GABPB2: variants seen among roughly 807,000 people sequenced by gnomAD.
The protein encoded by GABPB2 is GA-binding protein subunit beta-2.
GABPB2 carries 23 observed loss-of-function variants against 39.1 expected under a neutral mutation model. The ratio of observed to expected loss-of-function variants is 0.59; its 90% confidence interval spans 0.42 to 0.83. The LOEUF (loss-of-function observed/expected upper bound fraction) is 0.83, where lower values mean the gene tolerates loss of function less well. GABPB2 is among the 40% of genes least tolerant of loss of function. GABPB2 has a pLI of 0.00. For missense variants in GABPB2, 467 were observed against 541.1 expected, an observed-to-expected ratio of 0.86 and a Z score of 1.36; for synonymous variants, 184 against 199.3, an observed-to-expected ratio of 0.92 and a Z score of 0.65.
intron 1 of GABPB2, among the ~76,000 whole-genome samples, chr1:151,074,196 C>T (rs1165071902): frequency 6.6e-6 from 1 of 151,464 alleles, no homozygotes; most frequent in Admixed American, 6.6e-5. Flanking sequence ...AAGATGGTCT[C>T]GATCTCCTGA....
At chr1:151,112,966 A>G (rs1167212125) in intron 7 of GABPB2, among the ~76,000 whole-genome samples, 1 of 149,958 alleles carries the variant, frequency 6.7e-6, no homozygotes, top group Non-Finnish European at 1.5e-5. Flanking sequence ...TTTAGTAGAG[A>G]CAGGGTTTCA....
intron 1 of GABPB2, among the ~76,000 whole-genome samples, chr1:151,079,725 T>C (rs1677492372): frequency 6.7e-6 from 1 of 150,278 alleles, no homozygotes; most frequent in Admixed American, 6.7e-5. Flanking sequence ...GGTGAAACCC[T>C]GTCTGTACTA....
rs956859183 is a variant in GABPB2, at chr1:151,125,541, G to A, written c.*7285G>A. ...TGTTTCTCAATAAAATGTCAAAGCC[G>A]ACCATTTCAGGGTGTCATTGAATTT... On this transcript the variant is annotated 3_prime_UTR_variant, in exon 9 of 9. Coordinates refer to ENST00000368918, the MANE Select transcript of GABPB2 (RefSeq NM_144618.3). 6 of 151,256 alleles carry A rather than the reference G, an allele frequency of 4.0e-5. No individual in the cohort carries two copies. The East Asian group carries it at 9.7e-4, about 24-fold the overall frequency. 9.4% of individuals were successfully genotyped at this position (151,256 alleles called of 1,614,324 possible).
At chr1:151,073,399 T>C (rs1323790473) in intron 1 of GABPB2, among the ~76,000 whole-genome samples, 1 of 152,084 alleles carries the variant, frequency 6.6e-6, no homozygotes, top group East Asian at 1.9e-4. Context: ...GGAGAACATG[T>C]TAGTTGTCTG....
intron 2 of GABPB2, among the ~76,000 whole-genome samples, chr1:151,089,217 T>G (rs1032520846): frequency 6.6e-6 from 1 of 152,246 alleles, no homozygotes; most frequent in African/African-American, 2.4e-5. Flanking sequence ...ACTGATTAAT[T>G]GAGAGGCCAA....
chr1:151,112,147 C>G (rs1680485280), intron 7 of GABPB2: 1 of 118,474 alleles, frequency 8.4e-6, no homozygotes, highest in Non-Finnish European at 1.6e-5. Flanking sequence ...TGGCATGAAC[C>G]CGGGAGGTGG....
At position 151,119,629 on chromosome 1, in the gene GABPB2, T is replaced by C. The variant is rs942679076; in HGVS notation, c.*1373T>C. On this transcript the variant is annotated 3_prime_UTR_variant, in exon 9 of 9. Coordinates refer to ENST00000368918, the MANE Select transcript of GABPB2 (RefSeq NM_144618.3). ...GGCACACGCCTGTAGTCCCAGTTAC[T>C]TGGGAGGCTGAGGCAGGAGAATTGC... 3 of 152,490 alleles carry C rather than the reference T, an allele frequency of 2.0e-5. No individual in the cohort carries two copies. Among genetic ancestry groups the C allele is most frequent in the African/African-American group, 7.2e-5 (3 of 41,440 alleles). 9.4% of individuals were successfully genotyped at this position (152,490 alleles called of 1,614,324 possible). A position where few individuals can be genotyped will look rare whatever the true frequency, so the allele number is the denominator to read the frequency against.
chr1:151,086,925 G>A (rs1678253712), intron 1 of GABPB2, among the ~76,000 whole-genome samples: 2 of 152,178 alleles, frequency 1.3e-5, no homozygotes, highest in African/African-American at 4.8e-5. Flanking sequence ...TGCGATCTCA[G>A]CTCATTGCAA....
chr1:151,097,681 A>G (rs1363250403), intron 4 of GABPB2, among the ~76,000 whole-genome samples, 171 bp from the exon 5 acceptor site: 1 of 151,844 alleles, frequency 6.6e-6, no homozygotes, highest in East Asian at 1.9e-4. Context: ...CGGGAGGGTG[A>G]GTCATGAGAA....
intron 1 of GABPB2, among the ~76,000 whole-genome samples, chr1:151,075,454 C>T (rs1207135924): frequency 6.6e-6 from 1 of 150,810 alleles, no homozygotes; most frequent in Non-Finnish European, 1.5e-5. Flanking sequence ...GTCCCAGCTA[C>T]TCGGGAGGCC....
chr1:151,105,197 C>T (rs962313430), intron 6 of GABPB2, among the ~76,000 whole-genome samples: 3 of 151,614 alleles, frequency 2.0e-5, no homozygotes, highest in Non-Finnish European at 2.9e-5. Context: ...TGAGCCACCG[C>T]GCCTGGCCCT....
chr1:151,085,866 C>T (rs986054169), intron 1 of GABPB2, among the ~76,000 whole-genome samples: 1 of 152,092 alleles, frequency 6.6e-6, no homozygotes, highest in Non-Finnish European at 1.5e-5. Flanking sequence ...GTGGCTCATG[C>T]CTGTAATCCC....
intron 3 of GABPB2, among the ~76,000 whole-genome samples, chr1:151,092,399 C>T (rs1392416265): frequency 6.7e-6 from 1 of 148,780 alleles, no homozygotes; most frequent in Admixed American, 6.6e-5. Context: ...GCCACCGCAC[C>T]CAGCCATTTT....
intron 1 of GABPB2, among the ~76,000 whole-genome samples, chr1:151,076,473 A>G (rs587609191): frequency 6.6e-6 from 1 of 152,298 alleles, no homozygotes; most frequent in East Asian, 1.9e-4. Context: ...TCAGTCACCT[A>G]GGCTGGAGTG....
Position 151,090,390 on chromosome 1 carries a change from C to T in GABPB2, c.109-16C>T. 6.2e-7 allele frequency: 1 copy of T among 1,611,994 alleles called. No individual in the cohort carries two copies. Among genetic ancestry groups the T allele is most frequent in the Non-Finnish European group, 8.5e-7 (1 of 1,178,470 alleles). On this transcript the variant is annotated splice_polypyrimidine_tract_variant and intron_variant, in intron 2 of 8. Coordinates refer to ENST00000368918, the MANE Select transcript of GABPB2 (RefSeq NM_144618.3). Reference sequence around the variant, plus strand: ...CTGCACACAGTGGATATTCAATGAGCATTATTTTTCCACAGCTTGGAACAT... The same window carrying T: ...CTGCACACAGTGGATATTCAATGAGTATTATTTTTCCACAGCTTGGAACAT...
intron 3 of GABPB2, among the ~76,000 whole-genome samples, chr1:151,091,833 G>C (rs1223272561): frequency 6.6e-6 from 1 of 152,196 alleles, no homozygotes; most frequent in African/African-American, 2.4e-5. Context: ...TGGCTGGAGA[G>C]CAGTGGCATG....
chr1:151,073,979 C>CTTTTTT (rs587690492), intron 1 of GABPB2, among the ~76,000 whole-genome samples: 1 of 129,052 alleles, frequency 7.7e-6, no homozygotes, highest in Non-Finnish European at 1.7e-5. Context: ...ATGGTTATTT[C>CTTTTTT]TTTTTTTTTT....
Position 151,107,114 on chromosome 1 carries a change from G to T in GABPB2, c.814G>T (p.Val272Phe). The change falls in exon 7 of 9, where the codon GTC (valine) becomes TTC (phenylalanine). Residue 272 changes from valine to phenylalanine, a missense_variant. Val to Phe is a conservative substitution (Grantham distance 50). Coordinates refer to ENST00000368918, the MANE Select transcript of GABPB2 (RefSeq NM_144618.3). Reference protein sequence around the residue: ...QQVMGSGGQRVITIVTDGVPL... With the variant: ...QQVMGSGGQRFITIVTDGVPL... ...AGTAATGGGGAGTGGAGGCCAGAGG[G>T]TCATCACCATAGTGACTGATGGAGT... 1.2e-6 allele frequency: 2 copies of T among 1,613,252 alleles called. No individual in the cohort carries two copies. Among genetic ancestry groups the T allele is most frequent in the South Asian group, 1.1e-5 (1 of 90,980 alleles).
rs1013496169 is a variant in GABPB2 at position 151,079,477 on chromosome 1, G to A, written c.-1+8543G>A. On this transcript the variant is annotated intron_variant, in intron 1 of 8. Coordinates refer to ENST00000368918, the MANE Select transcript of GABPB2 (RefSeq NM_144618.3). ...AATCGCTTGAATCCAGGAGGCAGAG[G>A]TTGCAGTGAGCCATGATTATGCCAC... 2.1e-4 allele frequency among the ~76,000 whole-genome samples: 32 copies of A among 152,072 alleles called. 1 individual carries two copies. Among genetic ancestry groups the A allele is most frequent in the African/African-American group, 7.0e-4 (29 of 41,404 alleles).
Sources: allele counts gnomAD v4.1 joint callset (sites outside exome capture counted in the v4.1 genomes callset), GRCh38; gene constraint gnomAD v4.1.1; transcripts MANE v1.5; gene names NCBI Gene and HGNC (gene_info 2026-07-23, HGNC 2026-07-21).